The following PTPRQ variants were observed in gnomAD, a reference collection of about 807,000 sequenced individuals.
PTPRQ encodes protein tyrosine phosphatase receptor type Q.
In PTPRQ, 199 loss-of-function variants were observed where a neutral mutation model predicts 246.0. That is an observed-to-expected ratio of 0.81 (90% CI 0.72 to 0.91). PTPRQ has a LOEUF of 0.91. Ranked by LOEUF, PTPRQ falls within the 40% of genes least tolerant of loss-of-function variation. PTPRQ has a pLI of 0.00. For synonymous variants in PTPRQ, 869 were observed against 853.2 expected (o/e 1.02, Z -0.32); for missense variants, 2,624 against 2,528.4 (o/e 1.04, Z -0.81).
At chr12:80,523,288 A>G (rs1299367989) in intron 17 of PTPRQ, among the ~76,000 whole-genome samples, 1 of 151,874 alleles carries the variant, frequency 6.6e-6, no homozygotes, top group Admixed American at 6.6e-5. Context: ...TGGTCTATCA[A>G]TTTTGTTGAT....
chr12:80,516,262 A>G (rs1187647327), intron 17 of PTPRQ, among the ~76,000 whole-genome samples: 1 of 152,198 alleles, frequency 6.6e-6, no homozygotes, highest in African/African-American at 2.4e-5. Flanking sequence ...AAAATTTAAC[A>G]GTAGTTTTCT....
intron 27 of PTPRQ, 72 bp from the exon 28 acceptor site, chr12:80,610,367 T>G: frequency 1.5e-6 from 2 of 1,312,104 alleles, no homozygotes; most frequent in Non-Finnish European, 2.0e-6. Flanking sequence ...TCACGTAGCT[T>G]TGTATTATTA....
chr12:80,610,545 C>T lies in PTPRQ; in HGVS notation c.4838C>T (p.Thr1613Ile), dbSNP rs980102512. The T allele has an allele frequency of 6.5e-7, 1 of 1,543,416 alleles. No homozygotes were observed. The highest frequency in any genetic ancestry group is 1.4e-5 in the African/African-American group (1 of 72,490). ...TTCACAAGGTATTCTGTAGTGATCA[C>T]TGCATTTACTGGGAACATTAGTGCT... Reference protein sequence around the residue: ...EIFTRYSVVITAFTGNISAAY... With the variant: ...EIFTRYSVVIIAFTGNISAAY... Residue 1613 changes from threonine (T) to isoleucine (I), a missense_variant, in exon 28 of 45, where the codon ACT (threonine) becomes ATT (isoleucine). Thr to Ile is a moderately conservative substitution (Grantham distance 89). Coordinates refer to ENST00000644991, the MANE Select transcript of PTPRQ (RefSeq NM_001145026.2).
chr12:80,591,469 T>C (rs966087354), intron 26 of PTPRQ, among the ~76,000 whole-genome samples: 3 of 152,114 alleles, frequency 2.0e-5, no homozygotes, highest in African/African-American at 7.2e-5. Context: ...TACCAGTAGA[T>C]ACTCTATAAA....
intron 16 of PTPRQ, among the ~76,000 whole-genome samples, chr12:80,507,431 CTT>C (rs1020074677): frequency 2.7e-4 from 41 of 151,874 alleles, no homozygotes; most frequent in African/African-American, 9.6e-4. Flanking sequence ...TGTGGAGTAT[CTT>C]TTCTTTTTCA....
At chr12:80,571,182 T>C (rs955147724) in intron 25 of PTPRQ, among the ~76,000 whole-genome samples, 3 of 152,186 alleles carry the variant, frequency 2.0e-5, no homozygotes, top group African/African-American at 7.2e-5. Flanking sequence ...TCTCACTCTG[T>C]CACCCAGGCT....
intron 16 of PTPRQ, among the ~76,000 whole-genome samples, chr12:80,508,130 A>G (rs894288482): frequency 6.6e-6 from 1 of 152,008 alleles, no homozygotes; most frequent in Non-Finnish European, 1.5e-5. Context: ...TGCTTCCTCA[A>G]GGTAAAGTTC....
rs539998721 is a variant in PTPRQ at position 80,627,135 on chromosome 12, T to C, written c.5686+5001T>C. On this transcript the variant is annotated intron_variant, in intron 33 of 44. Transcript: ENST00000644991. ...GATGCCATGATATATGTATACCATG[T>C]GCAATTATTGAATCAAGTTAATTAA... Among the ~76,000 whole-genome samples, 154 of 152,106 alleles carry C rather than the reference T, an allele frequency of 1.0e-3. 1 individual carries two copies. Among genetic ancestry groups the C allele is most frequent in the African/African-American group, 3.5e-3 (147 of 41,530 alleles).
Position 80,484,493 on chromosome 12 carries a change from C to A in PTPRQ, c.1247C>A (p.Thr416Asn), listed in dbSNP as rs372238123. Residue 416 changes from threonine (T) to asparagine (N), a missense_variant, in exon 9 of 45, where the codon ACT becomes AAT. By Grantham distance (65) the Thr-to-Asn change is moderately conservative. Transcript: ENST00000644991. Reference protein sequence around the residue: ...AEVESTQVRITWKKPRQPNGI... With the variant: ...AEVESTQVRINWKKPRQPNGI... ...GTAGAATCCACGCAAGTAAGAATTA[C>A]TTGGAAGAAACCACGACAACCAAAT... 37 of 1,551,064 alleles carry A rather than the reference C, an allele frequency of 2.4e-5. No individual in the cohort carries two copies. Among genetic ancestry groups the A allele is most frequent in the Non-Finnish European group, 3.2e-5 (37 of 1,146,834 alleles).
chr12:80,444,951 T>G, intron 2 of PTPRQ, 102 bp downstream of exon 2: 1 of 1,319,036 alleles, frequency 7.6e-7, no homozygotes, highest in Non-Finnish European at 9.9e-7. Context: ...ATTAAATTCA[T>G]GAAAACAGTG....
intron 6 of PTPRQ, among the ~76,000 whole-genome samples, chr12:80,467,135 T>G (rs1893451048): frequency 6.6e-6 from 1 of 152,158 alleles, no homozygotes; most frequent in Admixed American, 6.6e-5. Context: ...ATCCAGAATC[T>G]ACAATGAACT....
intron 17 of PTPRQ, among the ~76,000 whole-genome samples, chr12:80,526,503 G>A (rs1434277012): frequency 6.6e-6 from 1 of 152,212 alleles, no homozygotes; most frequent in Non-Finnish European, 1.5e-5. Context: ...AAGATCAAAT[G>A]TATAATGTAT....
At chr12:80,623,167 T>C (rs1232082431) in intron 33 of PTPRQ, among the ~76,000 whole-genome samples, 1 of 152,104 alleles carries the variant, frequency 6.6e-6, no homozygotes, top group Non-Finnish European at 1.5e-5. Context: ...GAGTTATGAC[T>C]GGAGAAAGAC....
intron 14 of PTPRQ, among the ~76,000 whole-genome samples, chr12:80,502,580 C>A (rs10862143): frequency 0.3 from 45,531 of 151,664 alleles, 8,185 homozygotes; most frequent in African/African-American, 0.5. Context: ...AACAGAAGGA[C>A]CTGATGGATA....
chr12:80,610,240 T>G (rs1278873464), intron 27 of PTPRQ, among the ~76,000 whole-genome samples, 199 bp from the exon 28 acceptor site: 1 of 150,656 alleles, frequency 6.6e-6, no homozygotes, highest in Non-Finnish European at 1.5e-5. Flanking sequence ...TTTTTTCTTT[T>G]ACTTTCAACT....
chr12:80,658,157 A>C, intron 39 of PTPRQ, 96 bp downstream of exon 39: 1 of 727,142 alleles, frequency 1.4e-6, no homozygotes, highest in Non-Finnish European at 1.9e-6. Flanking sequence ...ATTTATTACA[A>C]CTCCTATGGA....
In PTPRQ at chr12:80,499,933, A is replaced by G. The variant is rs182997340; in HGVS notation, c.2272+3402A>G. Among the ~76,000 whole-genome samples the G allele has an allele frequency of 5.3e-3, 803 of 152,096 alleles. 5 individuals carry two copies. The highest frequency in any genetic ancestry group is 0.017 in the African/African-American group (705 of 41,542). ...ATACAAATTACTCTTTTGATGATCT[A>G]TACATATTCCCTTTCCTTTTTAAGA... On this transcript the variant is annotated intron_variant, in intron 14 of 44. Coordinates refer to ENST00000644991, the MANE Select transcript of PTPRQ (RefSeq NM_001145026.2).
intron 9 of PTPRQ, among the ~76,000 whole-genome samples, chr12:80,489,987 G>GTCTTGTGCT (rs369862702): frequency 0.53 from 81,016 of 151,828 alleles, 24,068 homozygotes; most frequent in Non-Finnish European, 0.67. Context: ...GTGAATGTAA[G>GTCTTGTGCT]AAGAAAGTCT....
chr12:80,660,614 C>T (rs1321763588), intron 39 of PTPRQ, among the ~76,000 whole-genome samples: 1 of 152,004 alleles, frequency 6.6e-6, no homozygotes, highest in Non-Finnish European at 1.5e-5. Flanking sequence ...AATTATCTCT[C>T]CTGTCAATTT....
Sources: gnomAD v4.1 joint callset for allele counts (sites outside exome capture counted in the v4.1 genomes callset) on GRCh38, gnomAD v4.1.1 for gene constraint, MANE v1.5 for transcripts, NCBI Gene and HGNC (gene_info 2026-07-23, HGNC 2026-07-21) for gene names.